Variants in ZNF69 observed in about 807,000 individuals in gnomAD.
ZNF69 encodes zinc finger protein 69, also known as ZNF3.
A neutral mutation model predicts 50.9 loss-of-function variants in ZNF69; 47 were observed. The ratio of observed to expected loss-of-function variants is 0.92; its 90% CI spans 0.73 to 1.18. The LOEUF is 1.18. Ranked by LOEUF, ZNF69 falls within the 50% of genes most tolerant of loss-of-function variation. The pLI is 0.00. For synonymous variants in ZNF69, 216 were observed against 223.1 expected, an observed-to-expected ratio of 0.97 and a Z score of 0.29; for missense variants, 717 against 675.1, an observed-to-expected ratio of 1.06 and a Z score of -0.69.
At chr19:11,927,906 T>C in the ZNF69 span, among the ~76,000 whole-genome samples, 1 of 152,174 alleles carries the variant, frequency 6.6e-6, no homozygotes, top group Non-Finnish European at 1.5e-5. Context: ...CTGGCTCCCC[T>C]AGGCACCTGC....
At chr19:11,898,460 G>A (rs768184784) in intron 1 of ZNF69, among the ~76,000 whole-genome samples, 3 of 144,672 alleles carry the variant, frequency 2.1e-5, no homozygotes, top group Admixed American at 7.2e-5. Flanking sequence ...GCATGATCTC[G>A]GCTCACAGCA....
At chr19:11,890,282 A>T (rs1009445548) in intron 1 of ZNF69, among the ~76,000 whole-genome samples, 1 of 152,346 alleles carries the variant, frequency 6.6e-6, no homozygotes, top group South Asian at 2.1e-4. Flanking sequence ...GACAATACCC[A>T]GGCTTTGTTG....
At chr19:11,951,875 G>T in the ZNF69 span, among the ~76,000 whole-genome samples, 1 of 152,178 alleles carries the variant, frequency 6.6e-6, no homozygotes, top group African/African-American at 2.4e-5. Context: ...TCTCTCCAAT[G>T]GTAAAAGCCT....
At chr19:11,978,548 T>A in the ZNF69 span, 1 of 1,614,184 alleles carries the variant, frequency 6.2e-7, no homozygotes, top group Non-Finnish European at 8.5e-7. Flanking sequence ...GTGGGAAAGC[T>A]GTCCATTGTC....
chr19:11,908,112 G>A (rs1178099433), downstream of ZNF69, among the ~76,000 whole-genome samples: 1 of 152,184 alleles, frequency 6.6e-6, no homozygotes, highest in South Asian at 2.1e-4. Context: ...AATTCAACAA[G>A]AAGAGCTAAC....
the ZNF69 span, chr19:11,956,748 C>T: frequency 1.3e-5 from 5 of 382,352 alleles, no homozygotes; most frequent in African/African-American, 2.1e-5. Context: ...CTCAGCCATT[C>T]GGGAGGCTGA....
chr19:11,978,798 T>G, the ZNF69 span: 1 of 1,613,932 alleles, frequency 6.2e-7, no homozygotes, highest in Non-Finnish European at 8.5e-7. Flanking sequence ...ATGTGGCAAA[T>G]CCTTCAGTTG....
chr19:11,972,468 T>C, the ZNF69 span, among the ~76,000 whole-genome samples: 2 of 152,170 alleles, frequency 1.3e-5, no homozygotes, highest in African/African-American at 2.4e-5. Flanking sequence ...ACAAAATACA[T>C]AAAAGAATTG....
chr19:11,936,450 AT>A, the ZNF69 span, among the ~76,000 whole-genome samples: 1 of 152,052 alleles, frequency 6.6e-6, no homozygotes, highest in Non-Finnish European at 1.5e-5. Flanking sequence ...GTTGATGAGC[AT>A]TTTTTCATGT....
At chr19:11,938,414 G>A in the ZNF69 span, among the ~76,000 whole-genome samples, 4 of 152,102 alleles carry the variant, frequency 2.6e-5, no homozygotes, top group Non-Finnish European at 5.9e-5. Flanking sequence ...GCCCCGGTGT[G>A]TGATGTTCCC....
At chr19:11,888,054 G>A in intron 1 of ZNF69, 68 bp downstream of exon 1, 1 of 1,516,614 alleles carries the variant, frequency 6.6e-7, no homozygotes, top group South Asian at 1.1e-5. Flanking sequence ...AACCGACTGT[G>A]GCGAGACCCT....
At chr19:11,891,941 A>G (rs1238919934) in intron 1 of ZNF69, among the ~76,000 whole-genome samples, 2 of 152,094 alleles carry the variant, frequency 1.3e-5, no homozygotes, top group African/African-American at 4.8e-5. Flanking sequence ...ATAGGATTGC[A>G]TTTTCCATAG....
downstream of ZNF69, among the ~76,000 whole-genome samples, chr19:11,907,315 T>C (rs1478971014): frequency 6.6e-6 from 1 of 152,086 alleles, no homozygotes; most frequent in Non-Finnish European, 1.5e-5. Flanking sequence ...ATTCAGGAAA[T>C]ACAGAGAACG....
At chr19:11,962,715 A>G in the ZNF69 span, among the ~76,000 whole-genome samples, 3 of 152,190 alleles carry the variant, frequency 2.0e-5, no homozygotes, top group Non-Finnish European at 4.4e-5. Context: ...GTTGGTATCT[A>G]TAGAGCAGTT....
chr19:11,929,635 A>G, the ZNF69 span, among the ~76,000 whole-genome samples: 1 of 148,118 alleles, frequency 6.8e-6, no homozygotes. Flanking sequence ...ACCTTAGGAC[A>G]CTACACACAG....
intron 1 of ZNF69, among the ~76,000 whole-genome samples, chr19:11,891,672 C>CAT (rs1290608301): frequency 2.0e-5 from 3 of 152,174 alleles, no homozygotes; most frequent in African/African-American, 7.2e-5. Flanking sequence ...TGCATTAAAA[C>CAT]AACTATAATT....
exon 5 of ZNF69, chr19:11,913,597 G>A: frequency 2.1e-5 from 7 of 328,316 alleles, no homozygotes; most frequent in Non-Finnish European, 3.9e-5. Flanking sequence ...CACCATATTG[G>A]CCAGGCTGGT....
intron 1 of ZNF69, among the ~76,000 whole-genome samples, chr19:11,900,230 G>A (rs562084810): frequency 6.6e-6 from 1 of 152,278 alleles, no homozygotes; most frequent in South Asian, 2.1e-4. Flanking sequence ...CTGGATTACA[G>A]GCATGAGCCA....
the ZNF69 span, chr19:11,947,027 A>G: frequency 2.4e-6 from 3 of 1,271,990 alleles, no homozygotes; most frequent in Non-Finnish European, 3.2e-6. Flanking sequence ...TATGGAAGAA[A>G]GTAAGTATAG....
Sources: allele counts gnomAD v4.1 joint callset (sites outside exome capture counted in the v4.1 genomes callset), GRCh38; gene constraint gnomAD v4.1.1; transcripts MANE v1.5; gene names NCBI Gene and HGNC (gene_info 2026-07-23, HGNC 2026-07-21).